AASDH: variants seen among roughly 807,000 people sequenced by gnomAD.
The protein encoded by AASDH is aminoadipate-semialdehyde dehydrogenase.
A neutral mutation model predicts 102.3 loss-of-function variants in AASDH; 81 were observed. That is an observed-to-expected ratio of 0.79 (90% CI 0.66 to 0.95). The LOEUF is 0.95. Among genes scored for constraint, AASDH ranks in the 40% least tolerant of loss-of-function variants. The pLI, the probability that AASDH is intolerant of heterozygous loss-of-function variation, is 0.00. For missense variants in AASDH, 1,203 were observed against 1,266.2 expected (o/e 0.95, Z 0.76); for synonymous variants, 398 against 454.0 (o/e 0.88, Z 1.57).
rs1421138154 is a variant in AASDH, at chr4:56,366,976, C to T, written c.861+4475G>A. Among the ~76,000 whole-genome samples, 203 of 151,972 alleles carry T rather than the reference C, an allele frequency of 1.3e-3. 1 individual carries two copies. The highest frequency in any genetic ancestry group is 0.012 in the Admixed American group (181 of 15,234). ...TGATTGTATATCCAGAAAACCCCAT[C>T]GTCTCAGCCCAAAATCTCCTTAAGC... is the stretch of plus-strand genomic sequence containing the variant. On this transcript the variant is annotated intron_variant, in intron 5 of 14. Coordinates refer to ENST00000205214, the MANE Select transcript of AASDH (RefSeq NM_181806.4).
At chr4:56,374,240 A>G (rs1752070041) in intron 4 of AASDH, among the ~76,000 whole-genome samples, 1 of 152,040 alleles carries the variant, frequency 6.6e-6, no homozygotes, top group East Asian at 1.9e-4. Context: ...TTAGCCAGGC[A>G]TAGTGGCGTG....
At chr4:56,357,281 C>A (rs1376172420) in intron 5 of AASDH, among the ~76,000 whole-genome samples, 2 of 152,146 alleles carry the variant, frequency 1.3e-5, no homozygotes, top group Non-Finnish European at 2.9e-5. Context: ...GAGTACTCTA[C>A]TTCATAGATG....
intron 4 of AASDH, among the ~76,000 whole-genome samples, chr4:56,372,545 CTA>C (rs1751853795): frequency 6.6e-6 from 1 of 152,180 alleles, no homozygotes; most frequent in African/African-American, 2.4e-5. Flanking sequence ...GCCTATGACA[CTA>C]TTTTAATTTG....
In AASDH at chr4:56,361,751, G is replaced by A. The variant is rs1055957623; in HGVS notation, c.862-6328C>T. ...TCAGGAGGCTGAGGTGGGATGAATT[G>A]CTTGAGCCCAGGAGTTCAAGACCAG... On this transcript the variant is annotated intron_variant, in intron 5 of 14. Transcript: ENST00000205214. Among the ~76,000 whole-genome samples the A allele has an allele frequency of 3.3e-5, 5 of 152,132 alleles. No individual in the cohort carries two copies. In the East Asian group the frequency reaches 7.8e-4, roughly 24 times the overall value.
At chr4:56,354,285 C>A in intron 7 of AASDH, 74 bp from the exon 8 acceptor site, 1 of 1,339,882 alleles carries the variant, frequency 7.5e-7, no homozygotes, top group South Asian at 2.1e-5. Flanking sequence ...TCAACATCTC[C>A]AAAAGTTCAG....
At chr4:56,357,124 A>G (rs1349118010) in intron 5 of AASDH, among the ~76,000 whole-genome samples, 1 of 152,208 alleles carries the variant, frequency 6.6e-6, no homozygotes, top group African/African-American at 2.4e-5. Context: ...TAAAACCATC[A>G]CCACAATCAA....
intron 13 of AASDH, among the ~76,000 whole-genome samples, chr4:56,343,192 C>T (rs527693528): frequency 2.6e-4 from 40 of 152,160 alleles, no homozygotes; most frequent in African/African-American, 9.6e-4. Flanking sequence ...AAAAAACTAG[C>T]ACCTAAGAGT....
chr4:56,354,907 A>G, intron 6 of AASDH, 96 bp from the exon 7 acceptor site: 2 of 1,052,064 alleles, frequency 1.9e-6, no homozygotes, highest in Non-Finnish European at 2.7e-6. Context: ...TAAAGAAAAA[A>G]AAGTTTGTTA....
intron 4 of AASDH, among the ~76,000 whole-genome samples, 200 bp from the exon 5 acceptor site, chr4:56,371,843 A>G (rs1461320841): frequency 6.6e-6 from 1 of 152,204 alleles, no homozygotes; most frequent in Non-Finnish European, 1.5e-5. Flanking sequence ...ATTTAAAGCA[A>G]TATCCACGTT....
chr4:56,365,461 A>C (rs1750881029), intron 5 of AASDH, among the ~76,000 whole-genome samples: 1 of 152,102 alleles, frequency 6.6e-6, no homozygotes, highest in African/African-American at 2.4e-5. Flanking sequence ...CTGACCAAAT[A>C]GTTGGAAGTA....
chr4:56,355,444 A>T, intron 5 of AASDH, 21 bp from the exon 6 acceptor site: 1 of 1,592,022 alleles, frequency 6.3e-7, no homozygotes, highest in Non-Finnish European at 8.6e-7. Context: ...ATTAAAAATA[A>T]TTTATTTATT....
intron 1 of AASDH, 51 bp downstream of exon 1, chr4:56,387,311 C>A: frequency 6.6e-6 from 1 of 152,470 alleles, no homozygotes; most frequent in South Asian, 2.1e-4. Flanking sequence ...AGCGGCACTT[C>A]GCCTCCTTCA....
In AASDH at chr4:56,382,532, T is replaced by C. The variant is rs1457443225; in HGVS notation, c.296A>G (p.His99Arg). ...CTTTAGATTACATTTTTTCATAAAATGAGTTGATAATGACGGTGGTGAATC... is the reference window on the plus strand; with the variant it reads ...CTTTAGATTACATTTTTTCATAAAACGAGTTGATAATGACGGTGGTGAATC... ...EPDSPPSLST[H>R]FMKKCNLKYI... Residue 99 changes from histidine (H) to arginine (R), a missense_variant, in exon 3 of 15, where the codon CAT becomes CGT. Physicochemically the swap from His to Arg is conservative, Grantham distance 29. Coordinates refer to ENST00000205214, the MANE Select transcript of AASDH (RefSeq NM_181806.4). The C allele has an allele frequency of 3.7e-6, 6 of 1,605,668 alleles. No individual in the cohort carries two copies. Among genetic ancestry groups the C allele is most frequent in the African/African-American group, 1.3e-5 (1 of 74,710 alleles).
In AASDH at chr4:56,338,518, A is replaced by G. The variant is rs1560555274; in HGVS notation, c.3181T>C (p.Tyr1061His). The change falls in exon 15 of 15, where the codon TAT becomes CAT. Residue 1061 changes from tyrosine (Y) to histidine (H), a missense_variant. Physicochemically the swap from Tyr to His is moderately conservative, Grantham distance 83. Coordinates refer to ENST00000205214, the MANE Select transcript of AASDH (RefSeq NM_181806.4). ...GAGAAGACTTCTCCAGGAAGTTCAT[A>G]AACACTTTGCAATTGTCCACTCTGA... ...ESQSGQLQSV[Y>H]ELPGEVFSSP... is the part of the protein sequence containing the mutation. 6.2e-7 allele frequency: 1 copy of G among 1,614,010 alleles called. No homozygotes were observed. Among genetic ancestry groups the G allele is most frequent in the South Asian group, 1.1e-5 (1 of 90,998 alleles).
intron 5 of AASDH, among the ~76,000 whole-genome samples, chr4:56,365,903 T>A (rs986380825): frequency 4.6e-5 from 7 of 151,662 alleles, no homozygotes; most frequent in South Asian, 2.1e-4. Context: ...GACACAAAAA[T>A]CCCTTCAAAA....
intron 4 of AASDH, among the ~76,000 whole-genome samples, chr4:56,373,365 A>G (rs1252166026): frequency 1.3e-5 from 2 of 151,556 alleles, no homozygotes; most frequent in East Asian, 3.9e-4. Context: ...CCGGTCTCGA[A>G]CTCCTGACCT....
At chr4:56,355,486 T>C in intron 5 of AASDH, 63 bp from the exon 6 acceptor site, 1 of 1,445,492 alleles carries the variant, frequency 6.9e-7, no homozygotes, top group African/African-American at 1.4e-5. Context: ...GTAAGCACTG[T>C]AGTTATTATT....
At chr4:56,359,622 A>G (rs2030362) in intron 5 of AASDH, among the ~76,000 whole-genome samples, 95,676 of 149,884 alleles carry the variant, frequency 0.64, 30,490 homozygotes, top group Admixed American at 0.71. Flanking sequence ...GCAGTGGCAC[A>G]ATCTTGGCTC....
intron 5 of AASDH, among the ~76,000 whole-genome samples, chr4:56,367,983 A>C (rs1215935375): frequency 6.6e-6 from 1 of 152,224 alleles, no homozygotes; most frequent in African/African-American, 2.4e-5. Context: ...ACAAAGGGCT[A>C]ATATCCAGAA....
Sources: allele counts gnomAD v4.1 joint callset (sites outside exome capture counted in the v4.1 genomes callset), GRCh38; gene constraint gnomAD v4.1.1; transcripts MANE v1.5; gene names NCBI Gene and HGNC (gene_info 2026-07-23, HGNC 2026-07-21).